ZCCHC17: variants seen among roughly 807,000 people sequenced by gnomAD.
ZCCHC17 encodes zinc finger CCHC domain-containing protein 17.
Under a neutral mutation model 30.6 loss-of-function variants are expected in ZCCHC17, and 18 were observed. The observed-to-expected ratio is 0.59, with a 90% CI of 0.41 to 0.87. The LOEUF is 0.87. Among genes scored for constraint, ZCCHC17 ranks in the 40% least tolerant of loss-of-function variants. The probability of loss-of-function intolerance (pLI) is 0.00; values close to 1 mark genes in which losing one functional copy is unlikely to be tolerated. For synonymous variants in ZCCHC17, 88 were observed against 92.4 expected (o/e 0.95, Z 0.27); for missense variants, 263 against 284.2 (o/e 0.93, Z 0.54).
chr1:31,358,558 G>A (rs1350580254), intron 7 of ZCCHC17, among the ~76,000 whole-genome samples: 2 of 152,146 alleles, frequency 1.3e-5, no homozygotes, highest in Non-Finnish European at 2.9e-5. Context: ...AGCAGGTGAG[G>A]ATGGCATCAA....
At chr1:31,334,321 CTCTCTCTCTCTCTCTCTG>C (rs1298789039) in intron 3 of ZCCHC17, among the ~76,000 whole-genome samples, 2 of 58,756 alleles carry the variant, frequency 3.4e-5, no homozygotes, top group African/African-American at 1.4e-4. Flanking sequence ...CTCTCTCTCT[CTCTCTCTCTCTCTCTCTG>C]TGTGTGTGTG....
chr1:31,355,779 G>A (rs1639621780), intron 7 of ZCCHC17, among the ~76,000 whole-genome samples: 1 of 152,176 alleles, frequency 6.6e-6, no homozygotes, highest in African/African-American at 2.4e-5. Context: ...GCCATCATGT[G>A]ATGTTATCTA....
chr1:31,358,043 C>T (rs1159862260), intron 7 of ZCCHC17, among the ~76,000 whole-genome samples: 1 of 151,936 alleles, frequency 6.6e-6, no homozygotes, highest in Non-Finnish European at 1.5e-5. Flanking sequence ...CGTGAGCCAC[C>T]GCGCCTGGCC....
rs1171785662 is a variant in ZCCHC17, at chr1:31,334,331, CTCTCTCTGTGTG to C, written c.125-2842_125-2831del. Among the ~76,000 whole-genome samples, 338 of 61,156 alleles carry C rather than the reference CTCTCTCTGTGTG, an allele frequency of 5.5e-3. 1 individual carries two copies. Among genetic ancestry groups the C allele is most frequent in the Non-Finnish European group, 7.0e-3 (229 of 32,696 alleles). 40.1% of individuals were successfully genotyped at this position (61,156 alleles called of 152,430 possible). On this transcript the variant is annotated intron_variant, in intron 3 of 7. Coordinates refer to ENST00000344147, the MANE Select transcript of ZCCHC17 (RefSeq NM_016505.4). ...TCTCTCTCTCTCTCTCTCTCTCTCT[CTCTCTCTGTGTG>C]TGTGTGTGTGTGTGTGTGTGTGTGT...
rs959089303 is a variant in ZCCHC17, at chr1:31,364,566, G to A, written c.*373G>A. 13 of 225,354 alleles carry A rather than the reference G, an allele frequency of 5.8e-5. No individual in the cohort carries two copies. Among genetic ancestry groups the A allele is most frequent in the African/African-American group, 2.5e-4 (11 of 44,840 alleles). 14.0% of individuals were successfully genotyped at this position (225,354 alleles called of 1,614,324 possible). On this transcript the variant is annotated 3_prime_UTR_variant, in exon 8 of 8. Coordinates refer to ENST00000344147, the MANE Select transcript of ZCCHC17 (RefSeq NM_016505.4). ...AGAGACTGTTGTGGAGGTGAGTTCGGCTGTAGTTAGAGTGATTGGACCCTT... is the reference window on the plus strand; with the variant it reads ...AGAGACTGTTGTGGAGGTGAGTTCGACTGTAGTTAGAGTGATTGGACCCTT...
intron 1 of ZCCHC17, among the ~76,000 whole-genome samples, chr1:31,302,333 C>G (rs1054326105): frequency 2.6e-5 from 4 of 152,148 alleles, no homozygotes; most frequent in South Asian, 2.1e-4. Flanking sequence ...TGTGTTCCCC[C>G]CTCTTTCTCT....
At chr1:31,356,892 T>C (rs961356710) in intron 7 of ZCCHC17, among the ~76,000 whole-genome samples, 6 of 152,172 alleles carry the variant, frequency 3.9e-5, no homozygotes, top group Non-Finnish European at 8.8e-5. Context: ...CAATTGGAAA[T>C]GGGCTATGAA....
At chr1:31,358,660 T>C (rs1362528062) in intron 7 of ZCCHC17, among the ~76,000 whole-genome samples, 1 of 151,670 alleles carries the variant, frequency 6.6e-6, no homozygotes, top group African/African-American at 2.4e-5. Flanking sequence ...GGAGTTTAGT[T>C]TGAGTTGCTG....
chr1:31,308,459 A>G lies in ZCCHC17; in HGVS notation c.-55-1585A>G, dbSNP rs985179270. On this transcript the variant is annotated intron_variant, in intron 1 of 7. Transcript: ENST00000344147. The stretch of plus-strand genomic sequence containing the variant: ...GAATACTTACCAAAATCAGGACATC[A>G]AGTCATCCTCTGAAAGTGAAAGGAA... Among the ~76,000 whole-genome samples, 5 of 152,370 alleles carry G rather than the reference A, an allele frequency of 3.3e-5. No homozygotes were observed. In the East Asian group the frequency reaches 5.8e-4, roughly 18 times the overall value.
At chr1:31,325,134 C>T (rs773805274) in intron 3 of ZCCHC17, among the ~76,000 whole-genome samples, 3 of 152,210 alleles carry the variant, frequency 2.0e-5, no homozygotes, top group South Asian at 2.1e-4. Flanking sequence ...GACCTGCCTG[C>T]AGATAAGAGC....
Position 31,310,053 on chromosome 1 carries a change from A to T in ZCCHC17, c.-46A>T, listed in dbSNP as rs1329005402. On this transcript the variant is annotated 5_prime_UTR_variant, in exon 2 of 8. Transcript: ENST00000344147. ...GATTTCTTTATGACAGGACACTTGT[A>T]TTAGCTTTAATAGAAGAGAAATGGA... is the stretch of plus-strand genomic sequence containing the variant. 5 of 1,591,700 alleles carry T rather than the reference A, an allele frequency of 3.1e-6. No individual in the cohort carries two copies. Among genetic ancestry groups the T allele is most frequent in the Non-Finnish European group, 4.3e-6 (5 of 1,163,100 alleles).
At chr1:31,327,247 CA>C (rs1316282115) in intron 3 of ZCCHC17, among the ~76,000 whole-genome samples, 3 of 152,070 alleles carry the variant, frequency 2.0e-5, no homozygotes, top group Non-Finnish European at 4.4e-5. Flanking sequence ...TTAGATCTCA[CA>C]AATTTAAGGG....
At chr1:31,351,708 C>T (rs977755402) in intron 7 of ZCCHC17, among the ~76,000 whole-genome samples, 2 of 152,124 alleles carry the variant, frequency 1.3e-5, no homozygotes, top group African/African-American at 2.4e-5. Flanking sequence ...TGCCACTGCG[C>T]TCCTGTCCGG....
chr1:31,345,431 C>T (rs1639210127), intron 5 of ZCCHC17, among the ~76,000 whole-genome samples: 1 of 150,094 alleles, frequency 6.7e-6, no homozygotes, highest in African/African-American at 2.5e-5. Flanking sequence ...GCTGGGATTA[C>T]AGGCATAAGC....
chr1:31,364,589 C>T lies in ZCCHC17; in HGVS notation c.*396C>T, dbSNP rs1380731830. Reference sequence around the variant, plus strand: ...CGGCTGTAGTTAGAGTGATTGGACCCTTCCTATTGGTCTGTCCTGGGCCAA... The same window carrying T: ...CGGCTGTAGTTAGAGTGATTGGACCTTTCCTATTGGTCTGTCCTGGGCCAA... On this transcript the variant is annotated 3_prime_UTR_variant, in exon 8 of 8. Coordinates refer to ENST00000344147, the MANE Select transcript of ZCCHC17 (RefSeq NM_016505.4). 2 of 199,254 alleles carry T rather than the reference C, an allele frequency of 1.0e-5. No homozygotes were observed. The highest frequency in any genetic ancestry group is 4.6e-5 in the African/African-American group (2 of 43,754). The allele number at this position is 199,254 out of a possible 1,614,324, so 12.3% of individuals were successfully genotyped here.
At chr1:31,339,961 T>C (rs1345599391) in intron 5 of ZCCHC17, among the ~76,000 whole-genome samples, 1 of 24,972 alleles carries the variant, frequency 4.0e-5, no homozygotes, top group East Asian at 6.3e-4. Context: ...CTTGGATTTC[T>C]TTTTTTTTTT....
rs564557291 is a variant in ZCCHC17 at position 31,303,117 on chromosome 1, C to A, written c.-56+6042C>A. 4.6e-3 allele frequency among the ~76,000 whole-genome samples: 674 copies of A among 146,860 alleles called. 5 individuals carry two copies. The highest frequency in any genetic ancestry group is 0.017 in the African/African-American group (620 of 36,828). On this transcript the variant is annotated intron_variant, in intron 1 of 7. Coordinates refer to ENST00000344147, the MANE Select transcript of ZCCHC17 (RefSeq NM_016505.4). ...CATAATGAAATCCAGTCTCTACCCC[C>A]CCTCAAAAAAAAAAAAAATTAGCCA...
chr1:31,317,931 C>T (rs1206581983), intron 2 of ZCCHC17, among the ~76,000 whole-genome samples: 1 of 152,178 alleles, frequency 6.6e-6, no homozygotes, highest in African/African-American at 2.4e-5. Context: ...AATTAAGACT[C>T]CGGATTCAAA....
In ZCCHC17 at chr1:31,360,165, G is replaced by A. The variant is rs563996953; in HGVS notation, c.565-3867G>A. 1.1e-4 allele frequency among the ~76,000 whole-genome samples: 16 copies of A among 150,552 alleles called. 1 individual carries two copies. The South Asian group carries it at 3.0e-3, about 28-fold the overall frequency. On this transcript the variant is annotated intron_variant, in intron 7 of 7. Coordinates refer to ENST00000344147, the MANE Select transcript of ZCCHC17 (RefSeq NM_016505.4). The stretch of plus-strand genomic sequence containing the variant: ...CGGCTAATTTTGTTTTTGTGTGTGC[G>A]TGTTTTGTTTTGTTTTGTTTTGAGA...
Sources: gnomAD v4.1 joint callset for allele counts (sites outside exome capture counted in the v4.1 genomes callset) on GRCh38, gnomAD v4.1.1 for gene constraint, MANE v1.5 for transcripts, NCBI Gene and HGNC (gene_info 2026-07-23, HGNC 2026-07-21) for gene names.